CCDC102B: variants seen among roughly 807,000 people sequenced by gnomAD.
CCDC102B encodes coiled-coil domain-containing protein 102B.
CCDC102B carries 75 observed loss-of-function variants against 57.4 expected under a neutral mutation model. The observed-to-expected ratio is 1.31, with a 90% confidence interval of 1.08 to 1.58. CCDC102B has a LOEUF of 1.58. Among genes scored for constraint, CCDC102B ranks in the 40% most tolerant of loss-of-function variants. The probability of loss-of-function intolerance (pLI) is 0.00; values close to 1 mark genes in which losing one functional copy is unlikely to be tolerated. For missense variants in CCDC102B, 636 were observed against 582.6 expected (o/e 1.09, Z -0.94); for synonymous variants, 206 against 201.9 (o/e 1.02, Z -0.17).
intron 4 of CCDC102B, chr18:68,866,628 A>G: frequency 3.1e-6 from 1 of 324,090 alleles, no homozygotes; most frequent in South Asian, 3.2e-5. Context: ...CAAAAAAGAG[A>G]TGGAGTGGTT....
chr18:68,942,007 G>C (rs772195396), intron 6 of CCDC102B, among the ~76,000 whole-genome samples: 1 of 151,904 alleles, frequency 6.6e-6, no homozygotes, highest in Non-Finnish European at 1.5e-5. Flanking sequence ...TATTGTGCTC[G>C]TCAACTCGTA....
At chr18:68,784,984 C>A in intron 2 of CCDC102B, among the ~76,000 whole-genome samples, 1 of 122,138 alleles carries the variant, frequency 8.2e-6, no homozygotes, top group Admixed American at 9.2e-5. Flanking sequence ...CCCCTCCCCC[C>A]ACCCCACAAC....
At chr18:68,784,197 T>C (rs1021143399) in intron 2 of CCDC102B, among the ~76,000 whole-genome samples, 1 of 152,156 alleles carries the variant, frequency 6.6e-6, no homozygotes, top group Admixed American at 6.5e-5. Flanking sequence ...CTGTGGGCTG[T>C]GCAGGAAGCA....
At chr18:68,814,287 A>G (rs1172454896) in intron 1 of CCDC102B, among the ~76,000 whole-genome samples, 1 of 152,064 alleles carries the variant, frequency 6.6e-6, no homozygotes, top group Non-Finnish European at 1.5e-5. Flanking sequence ...CTTTTTTTCT[A>G]GGCTTTTTTT....
At chr18:69,011,758 T>C (rs73967759) in intron 7 of CCDC102B, among the ~76,000 whole-genome samples, 3,981 of 152,126 alleles carry the variant, frequency 0.026, 186 homozygotes, top group African/African-American at 0.09. Context: ...TTCTTTCAGG[T>C]GGTTTTCCAG....
chr18:68,875,285 T>G (rs2039399679), intron 5 of CCDC102B, among the ~76,000 whole-genome samples: 1 of 152,170 alleles, frequency 6.6e-6, no homozygotes, highest in African/African-American at 2.4e-5. Context: ...CAACAATAAA[T>G]GAATTTTCGC....
chr18:68,946,231 G>T (rs1188391837), intron 6 of CCDC102B, among the ~76,000 whole-genome samples: 2 of 151,880 alleles, frequency 1.3e-5, no homozygotes, highest in Non-Finnish European at 2.9e-5. Context: ...ATGTACATAA[G>T]CACATACTCA....
intron 1 of CCDC102B, among the ~76,000 whole-genome samples, chr18:68,836,006 A>G (rs78992958): frequency 0.02 from 3,091 of 152,284 alleles, 103 homozygotes; most frequent in African/African-American, 0.07. Context: ...GGACTGGGAT[A>G]GAGGCTTGTT....
chr18:68,821,040 T>C (rs1427704004), intron 1 of CCDC102B, among the ~76,000 whole-genome samples: 2 of 152,166 alleles, frequency 1.3e-5, no homozygotes, highest in Non-Finnish European at 2.9e-5. Flanking sequence ...GTGGTTAGAA[T>C]GTTCTAAATG....
intron 7 of CCDC102B, among the ~76,000 whole-genome samples, chr18:69,035,039 A>AGCATTTTACCTTT (rs1455372032): frequency 6.6e-6 from 1 of 151,962 alleles, no homozygotes; most frequent in Non-Finnish European, 1.5e-5. Context: ...TTTATAAGCA[A>AGCATTTTACCTTT]GCATTTTACC....
intron 1 of CCDC102B, among the ~76,000 whole-genome samples, chr18:68,822,494 G>C (rs1177901616): frequency 6.6e-6 from 1 of 151,404 alleles, no homozygotes. Context: ...TAAAAACTGT[G>C]ATTATTTAAT....
chr18:68,920,257 C>A (rs898038733), intron 6 of CCDC102B, among the ~76,000 whole-genome samples: 6 of 152,010 alleles, frequency 3.9e-5, no homozygotes, highest in African/African-American at 1.4e-4. Context: ...ATCACACTAC[C>A]CAACTTCAAA....
intron 6 of CCDC102B, chr18:68,897,936 A>T: frequency 4.7e-6 from 1 of 215,028 alleles, no homozygotes; most frequent in South Asian, 5.9e-5. Context: ...TTTTCAAATA[A>T]TTTTTCCAGC....
chr18:68,925,030 C>G (rs1417828487), intron 6 of CCDC102B, among the ~76,000 whole-genome samples: 1 of 151,922 alleles, frequency 6.6e-6, no homozygotes, highest in East Asian at 1.9e-4. Context: ...ACCTTAGGGG[C>G]TACTGCTATG....
At position 68,803,925 on chromosome 18, in the gene CCDC102B, T is replaced by G. The variant is rs138021073; in HGVS notation, c.-16+5744T>G. On this transcript the variant is annotated intron_variant, in intron 1 of 7. Transcript: ENST00000360242. ...TATTCTGAGTTTGATGGGAAGTCAT[T>G]TGAATGTTGGGATCCTAGAAATATT... 1.5e-3 allele frequency among the ~76,000 whole-genome samples: 232 copies of G among 152,222 alleles called. 1 individual carries two copies. The highest frequency in any genetic ancestry group is 2.5e-3 in the Non-Finnish European group (172 of 68,010).
chr18:69,026,630 G>T (rs140377764), intron 7 of CCDC102B, among the ~76,000 whole-genome samples: 59 of 152,150 alleles, frequency 3.9e-4, no homozygotes, highest in Middle Eastern at 3.4e-3. Context: ...TGAAGTCAGA[G>T]AAAAGCCCAA....
At chr18:69,013,599 A>C (rs888636347) in intron 7 of CCDC102B, among the ~76,000 whole-genome samples, 1 of 152,224 alleles carries the variant, frequency 6.6e-6, no homozygotes, top group Non-Finnish European at 1.5e-5. Flanking sequence ...GAATGATGGA[A>C]TCTAACATTT....
At chr18:68,937,711 C>G (rs984384577) in intron 6 of CCDC102B, among the ~76,000 whole-genome samples, 1 of 151,968 alleles carries the variant, frequency 6.6e-6, no homozygotes, top group Non-Finnish European at 1.5e-5. Flanking sequence ...CAACCTGTCA[C>G]CTACATTAGG....
At chr18:68,777,904 G>A (rs1231998462) in intron 2 of CCDC102B, among the ~76,000 whole-genome samples, 2 of 152,062 alleles carry the variant, frequency 1.3e-5, no homozygotes, top group Non-Finnish European at 2.9e-5. Context: ...AATTTTCTTC[G>A]ATTTTTAAAG....
Sources: gnomAD v4.1 joint callset for allele counts (sites outside exome capture counted in the v4.1 genomes callset) on GRCh38, gnomAD v4.1.1 for gene constraint, MANE v1.5 for transcripts, NCBI Gene and HGNC (gene_info 2026-07-23, HGNC 2026-07-21) for gene names.